The following MAGI2 variants were observed in gnomAD, a reference collection of about 807,000 sequenced individuals.
MAGI2 encodes membrane associated guanylate kinase, WW and PDZ domain containing 2.
In MAGI2, 35 loss-of-function variants were observed where a neutral mutation model predicts 133.3. The observed-to-expected ratio is 0.26, with a 90% CI of 0.20 to 0.35. MAGI2 has a LOEUF of 0.35. Ranked by LOEUF, MAGI2 falls within the 10% of genes least tolerant of loss-of-function variation. The pLI is 1.00. For missense variants in MAGI2, 1,636 were observed against 1,863.4 expected, an observed-to-expected ratio of 0.88 and a Z score of 2.25; for synonymous variants, 729 against 710.6, an observed-to-expected ratio of 1.03 and a Z score of -0.41.
At chr7:79,371,789 C>G (rs1843069663) in intron 1 of MAGI2, among the ~76,000 whole-genome samples, 1 of 152,046 alleles carries the variant, frequency 6.6e-6, no homozygotes, top group East Asian at 1.9e-4. Context: ...AGTTCTCAAA[C>G]TTTAGCTTTC....
chr7:78,604,439 C>T (rs895718455), intron 3 of MAGI2, among the ~76,000 whole-genome samples: 17 of 152,104 alleles, frequency 1.1e-4, no homozygotes, highest in African/African-American at 3.1e-4. Context: ...CTTTACTGGC[C>T]GCCTTTTATC....
intron 1 of MAGI2, among the ~76,000 whole-genome samples, chr7:79,443,369 C>G (rs1332955797): frequency 2.0e-5 from 3 of 151,362 alleles, no homozygotes; most frequent in African/African-American, 7.3e-5. Context: ...TGGGGTGACT[C>G]CCACACTAGA....
At chr7:78,571,186 A>G (rs1801460804) in intron 3 of MAGI2, among the ~76,000 whole-genome samples, 1 of 152,186 alleles carries the variant, frequency 6.6e-6, no homozygotes, top group African/African-American at 2.4e-5. Context: ...AATTATAAAG[A>G]AGCCTCTTAA....
chr7:78,055,808 A>G (rs190642564), intron 21 of MAGI2, among the ~76,000 whole-genome samples: 36 of 152,320 alleles, frequency 2.4e-4, no homozygotes, highest in Admixed American at 1.9e-3. Flanking sequence ...TAAGAAACTC[A>G]GCACCTCTTA....
chr7:78,313,183 A>G (rs1798864352), intron 9 of MAGI2, among the ~76,000 whole-genome samples: 2 of 152,026 alleles, frequency 1.3e-5, no homozygotes, highest in Admixed American at 6.6e-5. Context: ...TAGATAATAG[A>G]GACTCAGAAA....
At chr7:79,122,803 T>G (rs543774302) in intron 1 of MAGI2, among the ~76,000 whole-genome samples, 1 of 152,182 alleles carries the variant, frequency 6.6e-6, no homozygotes, top group African/African-American at 2.4e-5. Flanking sequence ...GTAATTCTCC[T>G]GCCTCACCCT....
intron 7 of MAGI2, among the ~76,000 whole-genome samples, chr7:78,367,419 G>A (rs1793491553): frequency 6.6e-6 from 1 of 152,142 alleles, no homozygotes; most frequent in Admixed American, 6.6e-5. Flanking sequence ...ATAGGGCAGG[G>A]GCCAGCAAAC....
At chr7:78,762,959 A>G (rs1480607648) in intron 2 of MAGI2, among the ~76,000 whole-genome samples, 1 of 152,130 alleles carries the variant, frequency 6.6e-6, no homozygotes, top group African/African-American at 2.4e-5. Flanking sequence ...GTATGAAAAA[A>G]CTTCTAGCCT....
At chr7:78,773,177 A>C (rs147235398) in intron 2 of MAGI2, among the ~76,000 whole-genome samples, 376 of 152,274 alleles carry the variant, frequency 2.5e-3, no homozygotes, top group African/African-American at 8.7e-3. Flanking sequence ...ACACCTAAGC[A>C]TATCCAATAC....
chr7:78,034,700 G>C (rs1809987398), intron 21 of MAGI2, among the ~76,000 whole-genome samples: 1 of 151,952 alleles, frequency 6.6e-6, no homozygotes, highest in Non-Finnish European at 1.5e-5. Context: ...GCTAATTTTT[G>C]TATTTTTAGT....
chr7:79,389,714 G>A (rs1157356812), intron 1 of MAGI2, among the ~76,000 whole-genome samples: 1 of 149,050 alleles, frequency 6.7e-6, no homozygotes, highest in Non-Finnish European at 1.5e-5. Context: ...TAGATTCTAT[G>A]AGAATAAAAG....
At chr7:78,878,258 T>A (rs1795578970) in intron 2 of MAGI2, among the ~76,000 whole-genome samples, 1 of 152,212 alleles carries the variant, frequency 6.6e-6, no homozygotes, top group Non-Finnish European at 1.5e-5. Context: ...AGAAAAAACC[T>A]GTGCTTGGTT....
At chr7:78,991,021 T>TG (rs946595315) in intron 2 of MAGI2, among the ~76,000 whole-genome samples, 9 of 149,794 alleles carry the variant, frequency 6.0e-5, no homozygotes, top group African/African-American at 2.2e-4. Flanking sequence ...AGGGATTTGG[T>TG]GGGGGGTGAT....
At chr7:78,596,031 A>T (rs990241610) in intron 3 of MAGI2, among the ~76,000 whole-genome samples, 8 of 152,182 alleles carry the variant, frequency 5.3e-5, no homozygotes, top group South Asian at 2.1e-4. Context: ...AATATGCTTC[A>T]TAAGAACAGA....
At chr7:78,863,514 G>T (rs1429404728) in intron 2 of MAGI2, among the ~76,000 whole-genome samples, 1 of 152,166 alleles carries the variant, frequency 6.6e-6, no homozygotes, top group Non-Finnish European at 1.5e-5. Context: ...ACTCATTACT[G>T]CGAGGACAGC....
intron 6 of MAGI2, among the ~76,000 whole-genome samples, chr7:78,409,660 T>C (rs531055510): frequency 6.6e-6 from 1 of 152,100 alleles, no homozygotes; most frequent in Non-Finnish European, 1.5e-5. Context: ...GTGTTTAAAG[T>C]CTCATTTTTG....
chr7:78,304,216 T>C (rs1214226812), intron 9 of MAGI2, among the ~76,000 whole-genome samples: 4 of 152,236 alleles, frequency 2.6e-5, no homozygotes, highest in African/African-American at 9.6e-5. Flanking sequence ...CAGTGCATCC[T>C]ACAACTCCAC....
chr7:78,452,731 C>G (rs773253807), intron 6 of MAGI2, among the ~76,000 whole-genome samples: 51 of 151,066 alleles, frequency 3.4e-4, no homozygotes, highest in Non-Finnish European at 6.2e-4. Flanking sequence ...ATACCAAGTA[C>G]CAGGTACACA....
intron 2 of MAGI2, among the ~76,000 whole-genome samples, chr7:78,892,350 G>T (rs1796836589): frequency 6.6e-6 from 1 of 152,102 alleles, no homozygotes; most frequent in South Asian, 2.1e-4. Flanking sequence ...AGCCACCAAT[G>T]ACTTTCTTCA....
Sources: gnomAD v4.1 joint callset for allele counts (sites outside exome capture counted in the v4.1 genomes callset) on GRCh38, gnomAD v4.1.1 for gene constraint, MANE v1.5 for transcripts, NCBI Gene and HGNC (gene_info 2026-07-23, HGNC 2026-07-21) for gene names.